Variants in CC2D2B observed in about 807,000 individuals in gnomAD.
CC2D2B encodes the protein coiled-coil and C2 domain containing 2B, also known as protein CC2D2B.
CC2D2B carries 128 observed loss-of-function variants against 161.2 expected under a neutral mutation model. The observed-to-expected ratio is 0.79, with a 90% CI of 0.69 to 0.92. CC2D2B has a LOEUF of 0.92. Ranked by LOEUF, CC2D2B falls within the 40% of genes least tolerant of loss-of-function variation. The pLI is 0.00. For missense variants in CC2D2B, 1,173 were observed against 1,375.1 expected (o/e 0.85, Z 2.32); for synonymous variants, 391 against 449.8 (o/e 0.87, Z 1.65).
chr10:96,007,109 A>G (rs759375623), intron 25 of CC2D2B, among the ~76,000 whole-genome samples: 2 of 152,054 alleles, frequency 1.3e-5, no homozygotes, highest in Admixed American at 1.3e-4. Flanking sequence ...TGTTGTACAG[A>G]TTATTTCATC....
At chr10:95,999,047 C>T (rs2078353212) in intron 24 of CC2D2B, among the ~76,000 whole-genome samples, 1 of 152,074 alleles carries the variant, frequency 6.6e-6, no homozygotes, top group Non-Finnish European at 1.5e-5. Flanking sequence ...CGCCACTGCA[C>T]TCCAGCCTGG....
chr10:95,921,502 G>A (rs923637071), intron 2 of CC2D2B: 2 of 152,188 alleles, frequency 1.3e-5, no homozygotes, highest in African/African-American at 4.8e-5. Context: ...TTTGGTTCTT[G>A]TGAAGGTGCT....
At chr10:95,974,269 T>G in intron 17 of CC2D2B, 113 bp downstream of exon 17, 1 of 471,394 alleles carries the variant, frequency 2.1e-6, no homozygotes, top group Non-Finnish European at 3.4e-6. Context: ...TTTAGTCTAT[T>G]TGAATGTTGA....
chr10:95,954,557 A>G (rs1433245147), intron 10 of CC2D2B, among the ~76,000 whole-genome samples: 1 of 152,114 alleles, frequency 6.6e-6, no homozygotes, highest in African/African-American at 2.4e-5. Flanking sequence ...GTTCTTTTCT[A>G]GAATGTTTTT....
intron 10 of CC2D2B, among the ~76,000 whole-genome samples, chr10:95,953,082 A>T (rs561358183): frequency 6.6e-6 from 1 of 152,170 alleles, no homozygotes; most frequent in African/African-American, 2.4e-5. Context: ...TCACAAGTTA[A>T]AAAAGAATAT....
intron 1 of CC2D2B, among the ~76,000 whole-genome samples, chr10:95,908,875 A>G (rs1329385455): frequency 6.6e-6 from 1 of 152,030 alleles, no homozygotes; most frequent in African/African-American, 2.4e-5. Flanking sequence ...GAGTAGCAAA[A>G]CTACGTTGCA....
chr10:96,007,335 T>A (rs1348063452), intron 25 of CC2D2B, among the ~76,000 whole-genome samples: 2 of 152,156 alleles, frequency 1.3e-5, no homozygotes, highest in Admixed American at 6.5e-5. Context: ...GCTCCATCCA[T>A]GTAGGGAACT....
chr10:95,947,114 T>TATATATATATATATA lies in CC2D2B; in HGVS notation c.802-2782_802-2781insATATATATATATATA, dbSNP rs1491386108. 1.2e-3 allele frequency among the ~76,000 whole-genome samples: 28 copies of TATATATATATATATA among 23,908 alleles called. 1 individual carries two copies. Among genetic ancestry groups the TATATATATATATATA allele is most frequent in the South Asian group, 6.7e-3 (4 of 594 alleles). 15.7% of individuals were successfully genotyped at this position (23,908 alleles called of 152,430 possible). On this transcript the variant is annotated intron_variant, in intron 9 of 34. Coordinates refer to ENST00000646931, the MANE Select transcript of CC2D2B (RefSeq NM_001349008.3). Reference sequence around the variant, plus strand: ...ATATATATATATATATATATATATATTTTTTTTTTTTTTTTTGAGACAAAG... The same window carrying TATATATATATATATA: ...ATATATATATATATATATATATATATATATATATATATATATTTTTTTTTTTTTTTTGAGACAAAG...
At chr10:96,011,968 C>T (rs751791763) in intron 26 of CC2D2B, among the ~76,000 whole-genome samples, 1 of 152,114 alleles carries the variant, frequency 6.6e-6, no homozygotes. Context: ...ACCCTCTCTA[C>T]ATAGTACATA....
intron 17 of CC2D2B, among the ~76,000 whole-genome samples, chr10:95,976,440 C>A (rs933897288): frequency 6.6e-6 from 1 of 152,192 alleles, no homozygotes; most frequent in Non-Finnish European, 1.5e-5. Flanking sequence ...CAGGTTTCAG[C>A]AGGAAGTAAA....
At chr10:95,988,579 C>T (rs759919687) in intron 20 of CC2D2B, among the ~76,000 whole-genome samples, 1 of 152,128 alleles carries the variant, frequency 6.6e-6, no homozygotes, top group Non-Finnish European at 1.5e-5. Flanking sequence ...TTTAAACATA[C>T]ATTTTAAAGA....
Position 96,011,181 on chromosome 10 carries a change from A to G in CC2D2B, c.3046-1004A>G, listed in dbSNP as rs570708386. 3.9e-5 allele frequency among the ~76,000 whole-genome samples: 6 copies of G among 152,370 alleles called. No individual in the cohort carries two copies. In the East Asian group the frequency reaches 9.6e-4, roughly 24 times the overall value. On this transcript the variant is annotated intron_variant, in intron 26 of 34. Coordinates refer to ENST00000646931, the MANE Select transcript of CC2D2B (RefSeq NM_001349008.3). ...AGTAGAGGTGCCTGCACAATGTGCA[A>G]TCACATGAAGTCATGATGGCACGTG... is the stretch of plus-strand genomic sequence containing the variant.
chr10:95,919,965 T>G (rs754214107), intron 2 of CC2D2B: 1 of 151,882 alleles, frequency 6.6e-6, no homozygotes, highest in Non-Finnish European at 1.5e-5. Flanking sequence ...GTGGTGACTA[T>G]ACCCTGACTA....
intron 9 of CC2D2B, among the ~76,000 whole-genome samples, chr10:95,945,584 A>G (rs1177977386): frequency 2.0e-5 from 3 of 152,082 alleles, no homozygotes; most frequent in South Asian, 2.1e-4. Context: ...ATAGATTTTT[A>G]TATGTCAACC....
At chr10:95,984,008 T>C (rs2077625070) in intron 19 of CC2D2B, among the ~76,000 whole-genome samples, 199 bp downstream of exon 19, 1 of 152,206 alleles carries the variant, frequency 6.6e-6, no homozygotes. Context: ...TTTAGTGTTG[T>C]CCAAACAGTC....
intron 6 of CC2D2B, among the ~76,000 whole-genome samples, chr10:95,933,598 C>A (rs940842536): frequency 6.6e-6 from 1 of 152,104 alleles, no homozygotes; most frequent in Non-Finnish European, 1.5e-5. Context: ...GATGTTGATG[C>A]TATTCCTTTC....
At chr10:95,992,122 G>A (rs950812853) in intron 21 of CC2D2B, among the ~76,000 whole-genome samples, 3 of 152,158 alleles carry the variant, frequency 2.0e-5, no homozygotes, top group Non-Finnish European at 4.4e-5. Context: ...ATGGATTTGT[G>A]TTGCCTGGGT....
chr10:95,936,624 C>A (rs549278603), intron 6 of CC2D2B, among the ~76,000 whole-genome samples: 1 of 152,224 alleles, frequency 6.6e-6, no homozygotes, highest in Non-Finnish European at 1.5e-5. Context: ...TAGTGAAGAC[C>A]AAGAAAGTGA....
At chr10:96,000,033 C>T (rs2078407496) in intron 24 of CC2D2B, 1 of 1,422,582 alleles carries the variant, frequency 7.0e-7, no homozygotes, top group South Asian at 1.2e-5. Flanking sequence ...ACAATGCCAA[C>T]AGCATGTTGG....
Sources: gnomAD v4.1 joint callset for allele counts (sites outside exome capture counted in the v4.1 genomes callset) on GRCh38, gnomAD v4.1.1 for gene constraint, MANE v1.5 for transcripts, NCBI Gene and HGNC (gene_info 2026-07-23, HGNC 2026-07-21) for gene names.